Variants in NELL1 observed in about 807,000 individuals in gnomAD.
The protein encoded by NELL1 is neural EGFL like 1.
NELL1 carries 76 observed loss-of-function variants against 107.4 expected under a neutral mutation model. The ratio of observed to expected loss-of-function variants is 0.71; its 90% confidence interval spans 0.59 to 0.86. The LOEUF (loss-of-function observed/expected upper bound fraction) is 0.86, where lower values mean the gene tolerates loss of function less well. Ranked by LOEUF, NELL1 falls within the 40% of genes least tolerant of loss-of-function variation. NELL1 has a pLI of 0.00. For synonymous variants in NELL1, 353 were observed against 341.2 expected (o/e 1.03, Z -0.38); for missense variants, 1,024 against 1,005.5 (o/e 1.02, Z -0.25).
At chr11:21,065,614 C>G (rs1443506170) in intron 12 of NELL1, among the ~76,000 whole-genome samples, 2 of 152,204 alleles carry the variant, frequency 1.3e-5, no homozygotes, top group Non-Finnish European at 2.9e-5. Context: ...AAAGAGAACT[C>G]TAGTCCTAGC....
intron 2 of NELL1, among the ~76,000 whole-genome samples, chr11:20,724,791 G>A (rs1005972458): frequency 1.3e-5 from 2 of 152,050 alleles, no homozygotes; most frequent in African/African-American, 2.4e-5. Flanking sequence ...CTTTATAGCA[G>A]TACCCCACTC....
At chr11:21,412,918 G>A (rs11026074) in intron 15 of NELL1, among the ~76,000 whole-genome samples, 12,037 of 152,012 alleles carry the variant, frequency 0.079, 600 homozygotes, top group Non-Finnish European at 0.1. Flanking sequence ...GGTATCCCAG[G>A]GTATCTGAAG....
chr11:21,354,459 G>A (rs1287300746), intron 14 of NELL1, among the ~76,000 whole-genome samples: 1 of 152,078 alleles, frequency 6.6e-6, no homozygotes, highest in African/African-American at 2.4e-5. Context: ...CTGATGTTCT[G>A]CTGAATCCTG....
chr11:21,559,100 A>T (rs959135478), intron 16 of NELL1, among the ~76,000 whole-genome samples: 5 of 152,166 alleles, frequency 3.3e-5, no homozygotes, highest in African/African-American at 7.2e-5. Flanking sequence ...CAAAAATTAG[A>T]TCTTGGAAAA....
chr11:21,455,560 C>T (rs945044975), intron 15 of NELL1, among the ~76,000 whole-genome samples: 1 of 151,942 alleles, frequency 6.6e-6, no homozygotes, highest in Non-Finnish European at 1.5e-5. Context: ...TCTTGAACTC[C>T]TGGGCTTAAG....
At chr11:21,555,631 G>C (rs1400307734) in intron 16 of NELL1, among the ~76,000 whole-genome samples, 2 of 151,892 alleles carry the variant, frequency 1.3e-5, no homozygotes, top group African/African-American at 4.8e-5. Context: ...CCTGACTCAG[G>C]AAAGGTTTGG....
At chr11:20,926,584 G>A (rs1196948546) in intron 7 of NELL1, among the ~76,000 whole-genome samples, 1 of 152,146 alleles carries the variant, frequency 6.6e-6, no homozygotes, top group East Asian at 1.9e-4. Context: ...ATCACTTGAG[G>A]TTTCTTGTGA....
At chr11:20,862,874 A>G (rs898893978) in intron 4 of NELL1, among the ~76,000 whole-genome samples, 1 of 152,066 alleles carries the variant, frequency 6.6e-6, no homozygotes, top group Non-Finnish European at 1.5e-5. Context: ...TAATCCATTT[A>G]ACCCTGGGTG....
At chr11:21,455,433 G>A (rs979546884) in intron 15 of NELL1, among the ~76,000 whole-genome samples, 1 of 150,550 alleles carries the variant, frequency 6.6e-6, no homozygotes, top group Non-Finnish European at 1.5e-5. Context: ...CTGGGAGCAA[G>A]TGATCCTCCT....
chr11:21,305,553 C>T (rs1003297975), intron 14 of NELL1, among the ~76,000 whole-genome samples: 1 of 151,754 alleles, frequency 6.6e-6, no homozygotes, highest in Non-Finnish European at 1.5e-5. Flanking sequence ...TGATAAATAG[C>T]AAGTCAAAAG....
Position 20,701,383 on chromosome 11 carries a change from A to G in NELL1, c.184+23323A>G, listed in dbSNP as rs183717774. 1.6e-3 allele frequency among the ~76,000 whole-genome samples: 250 copies of G among 151,690 alleles called. 3 individuals are homozygous for G. Among genetic ancestry groups the G allele is most frequent in the African/African-American group, 5.7e-3 (235 of 41,170 alleles). On this transcript the variant is annotated intron_variant, in intron 2 of 19. Transcript: ENST00000357134. ...TTGATTTTTTCTTGTAAGTTTGTTT[A>G]AGTTCTTTGTAGATTCTGGATATTA... is the stretch of plus-strand genomic sequence containing the variant.
At chr11:21,386,733 G>T (rs1168676799) in intron 15 of NELL1, among the ~76,000 whole-genome samples, 1 of 151,870 alleles carries the variant, frequency 6.6e-6, no homozygotes, top group Non-Finnish European at 1.5e-5. Context: ...TGGAAATACT[G>T]CATTCACTTG....
intron 16 of NELL1, among the ~76,000 whole-genome samples, chr11:21,549,304 A>G (rs908588030): frequency 6.6e-6 from 1 of 152,084 alleles, no homozygotes; most frequent in Admixed American, 6.6e-5. Flanking sequence ...ATAAGAGTTT[A>G]CTAAGGTATT....
intron 14 of NELL1, among the ~76,000 whole-genome samples, chr11:21,331,353 G>A (rs1224496732): frequency 2.0e-5 from 3 of 151,804 alleles, no homozygotes; most frequent in Non-Finnish European, 4.4e-5. Context: ...CCCTAAAACT[G>A]CTTTTTCTTA....
intron 2 of NELL1, among the ~76,000 whole-genome samples, chr11:20,720,873 C>T (rs918066818): frequency 1.3e-5 from 2 of 152,150 alleles, no homozygotes; most frequent in African/African-American, 4.8e-5. Flanking sequence ...AACAAAGTAA[C>T]ATTCTGAGGA....
chr11:21,178,687 C>T (rs572908399), intron 13 of NELL1, among the ~76,000 whole-genome samples: 2 of 151,076 alleles, frequency 1.3e-5, no homozygotes, highest in East Asian at 1.9e-4. Context: ...TGGCCTGAGC[C>T]CAAGAGATCA....
intron 14 of NELL1, among the ~76,000 whole-genome samples, chr11:21,315,413 A>G (rs1245582269): frequency 6.6e-6 from 1 of 152,060 alleles, no homozygotes; most frequent in Non-Finnish European, 1.5e-5. Context: ...GTGGCCAAGG[A>G]AAGCAGTGCA....
chr11:21,068,081 T>C (rs1205962444), intron 12 of NELL1, among the ~76,000 whole-genome samples: 1 of 138,398 alleles, frequency 7.2e-6, no homozygotes, highest in Admixed American at 7.4e-5. Context: ...TAGAACTATA[T>C]TCTTTAACAG....
chr11:20,922,537 T>C (rs999845310), intron 7 of NELL1, among the ~76,000 whole-genome samples: 2 of 152,066 alleles, frequency 1.3e-5, no homozygotes, highest in Admixed American at 6.6e-5. Context: ...GGTTCGCAGA[T>C]GCAAAAAGAA....
Sources: allele counts gnomAD v4.1 joint callset (sites outside exome capture counted in the v4.1 genomes callset), GRCh38; gene constraint gnomAD v4.1.1; transcripts MANE v1.5; gene names NCBI Gene and HGNC (gene_info 2026-07-23, HGNC 2026-07-21).